The following GAB2 variants were observed in gnomAD, a reference collection of about 807,000 sequenced individuals.
GAB2 encodes the protein GRB2-associated-binding protein 2.
In GAB2, 26 loss-of-function variants were observed where a neutral mutation model predicts 65.5. The observed-to-expected ratio is 0.40, with a 90% CI of 0.29 to 0.55. GAB2 has a LOEUF of 0.55. Ranked by LOEUF, GAB2 falls within the 20% of genes least tolerant of loss-of-function variation. The pLI is 0.53. For missense variants in GAB2, 884 were observed against 875.8 expected (o/e 1.01, Z -0.12); for synonymous variants, 321 against 329.6 (o/e 0.97, Z 0.28).
In GAB2 at chr11:78,216,406, C is replaced by A. The variant is rs1864149859; in HGVS notation, c.*2866G>T. 6.6e-6 allele frequency: 1 copy of A among 152,180 alleles called. No homozygotes were observed. Among genetic ancestry groups the A allele is most frequent in the Non-Finnish European group, 1.5e-5 (1 of 68,046 alleles). 9.4% of individuals were successfully genotyped at this position (152,180 alleles called of 1,614,324 possible). ...TAGGCCAAAGGACCAGTTTTTTCAA[C>A]TGAGTTGACTCCTTTGTTGGAGGAG... On this transcript the variant is annotated 3_prime_UTR_variant, in exon 10 of 10. Transcript: ENST00000361507.
At chr11:78,263,604 A>G (rs1017369507) in intron 2 of GAB2, among the ~76,000 whole-genome samples, 3 of 149,298 alleles carry the variant, frequency 2.0e-5, no homozygotes, top group African/African-American at 7.5e-5. Flanking sequence ...CTGCACTCCA[A>G]CTTGGGCGAC....
Position 78,250,060 on chromosome 11 carries a change from T to C in GAB2, c.620+97A>G, listed in dbSNP as rs117632041. ...AGACGTGTTTGTCTACCTGAAACGA[T>C]ATAATGTTTTGCTTGTCTTTAAAAA... On this transcript the variant is annotated intron_variant, in intron 3 of 9. Transcript: ENST00000361507. 4.5e-5 allele frequency: 56 copies of C among 1,251,380 alleles called. No homozygotes were observed. In the East Asian group the frequency reaches 1.1e-3, roughly 23 times the overall value. 77.5% of individuals were successfully genotyped at this position (1,251,380 alleles called of 1,614,324 possible).
At chr11:78,320,227 G>C (rs1855696616) in intron 1 of GAB2, among the ~76,000 whole-genome samples, 1 of 152,058 alleles carries the variant, frequency 6.6e-6, no homozygotes, top group South Asian at 2.1e-4. Context: ...CTAGAGACAG[G>C]GGTCTCACTA....
intron 1 of GAB2, among the ~76,000 whole-genome samples, chr11:78,337,019 C>T (rs1028595655): frequency 1.3e-5 from 2 of 152,182 alleles, no homozygotes; most frequent in Admixed American, 1.3e-4. Flanking sequence ...CATCTACCTA[C>T]CTTTGACTAT....
Position 78,250,313 on chromosome 11 carries a change from T to C in GAB2, c.464A>G (p.Glu155Gly), listed in dbSNP as rs770269898. 6.2e-7 allele frequency: 1 copy of C among 1,613,260 alleles called. No homozygotes were observed. The highest frequency in any genetic ancestry group is 2.2e-5 in the East Asian group (1 of 44,820). ...GTGTGATGGGGCTGAGGACTTGCGC[T>C]CTCGGAGAAGGTGCTGGCTAGAGCT... ...LSSSSQHLLR[E>G]RKSSAPSHSS... The change falls in exon 3 of 10, where the codon GAG becomes GGG. Residue 155 changes from glutamate (E) to glycine (G), a missense_variant. By Grantham distance (98) the Glu-to-Gly change is moderately conservative (BLOSUM62 -2). Coordinates refer to ENST00000361507, the MANE Select transcript of GAB2 (RefSeq NM_080491.3).
chr11:78,346,206 C>T (rs1856176421), intron 1 of GAB2, among the ~76,000 whole-genome samples: 1 of 152,104 alleles, frequency 6.6e-6, no homozygotes, highest in African/African-American at 2.4e-5. Context: ...ATCAAACTGC[C>T]CGGATTAGCC....
In GAB2 at chr11:78,223,395, GGAAA is replaced by G; in HGVS notation, c.1567+13_1567+16del. 6.6e-7 allele frequency: 1 copy of G among 1,505,048 alleles called. No individual in the cohort carries two copies. The highest frequency in any genetic ancestry group is 8.9e-7 in the Non-Finnish European group (1 of 1,125,012). 93.2% of individuals were successfully genotyped at this position (1,505,048 alleles called of 1,614,324 possible). On this transcript the variant is annotated intron_variant, in intron 6 of 9. Coordinates refer to ENST00000361507, the MANE Select transcript of GAB2 (RefSeq NM_080491.3). ...AGCCACTGTCCAGAGATGGGACAGG[GGAAA>G]GAATGGACTTACCTTTCCGATCAGG...
At position 78,223,474 on chromosome 11, in the gene GAB2, G is replaced by A. The variant is rs778004853; in HGVS notation, c.1505C>T (p.Pro502Leu). ...PSTTLPVHRG[P>L]SRGSEIQPPP... ...TGGCTGAATCTCACTTCCTCTGCTG[G>A]GGCCTCGGTGCACAGGAAGGGTTGT... The change falls in exon 6 of 10, where the codon CCC becomes CTC. Residue 502 changes from proline (P) to leucine (L), a missense_variant. By Grantham distance (98) the Pro-to-Leu change is moderately conservative. Transcript: ENST00000361507. The A allele has an allele frequency of 1.9e-6, 3 of 1,600,034 alleles. No homozygotes were observed. In the South Asian group the frequency reaches 3.4e-5, roughly 18 times the overall value.
At chr11:78,230,629 G>A (rs1864815117) in intron 3 of GAB2, among the ~76,000 whole-genome samples, 1 of 152,240 alleles carries the variant, frequency 6.6e-6, no homozygotes, top group Non-Finnish European at 1.5e-5. Context: ...CCTGTACCCT[G>A]GCATAGTGCC....
At chr11:78,239,276 A>G (rs1865066348) in intron 3 of GAB2, among the ~76,000 whole-genome samples, 1 of 152,104 alleles carries the variant, frequency 6.6e-6, no homozygotes, top group South Asian at 2.1e-4. Context: ...GCTGGAGTAC[A>G]ATGGCGTGAT....
At chr11:78,320,829 C>T (rs1449187907) in intron 1 of GAB2, among the ~76,000 whole-genome samples, 3 of 150,674 alleles carry the variant, frequency 2.0e-5, no homozygotes, top group African/African-American at 7.3e-5. Flanking sequence ...CCATGGCCTC[C>T]CAAAGTGCTG....
chr11:78,374,959 C>T (rs10793308), intron 1 of GAB2, among the ~76,000 whole-genome samples: 39,189 of 152,064 alleles, frequency 0.26, 5,837 homozygotes, highest in East Asian at 0.41. Flanking sequence ...TAGCATGTAA[C>T]GAAAATTCTA....
intron 1 of GAB2, among the ~76,000 whole-genome samples, chr11:78,342,547 T>C (rs894401602): frequency 5.9e-5 from 9 of 151,912 alleles, no homozygotes; most frequent in African/African-American, 1.5e-4. Context: ...TAGCTGGGAC[T>C]ACAGGTGCCC....
At chr11:78,323,929 C>T (rs1396725481) in intron 1 of GAB2, among the ~76,000 whole-genome samples, 3 of 151,062 alleles carry the variant, frequency 2.0e-5, no homozygotes, top group Non-Finnish European at 4.4e-5. Context: ...TCCCGAGTAG[C>T]TGAGACTACA....
At chr11:78,379,719 T>C (rs1488079019) in intron 1 of GAB2, among the ~76,000 whole-genome samples, 3 of 152,254 alleles carry the variant, frequency 2.0e-5, no homozygotes, top group Admixed American at 6.5e-5. Flanking sequence ...AAGAGTGTAC[T>C]TGGTTGTCAT....
At chr11:78,365,963 G>C (rs1310747295) in intron 1 of GAB2, among the ~76,000 whole-genome samples, 1 of 152,224 alleles carries the variant, frequency 6.6e-6, no homozygotes, top group African/African-American at 2.4e-5. Flanking sequence ...ATTAACTGCT[G>C]TGTAATTATG....
chr11:78,259,310 T>C (rs1287647071), intron 2 of GAB2, among the ~76,000 whole-genome samples: 1 of 152,238 alleles, frequency 6.6e-6, no homozygotes, highest in East Asian at 1.9e-4. Flanking sequence ...GCCTGACACT[T>C]GTCCCATTTT....
chr11:78,261,691 G>T (rs963813480), intron 2 of GAB2, among the ~76,000 whole-genome samples: 1 of 152,150 alleles, frequency 6.6e-6, no homozygotes, highest in African/African-American at 2.4e-5. Flanking sequence ...TTTACTTAGG[G>T]TCTGGAGCAG....
chr11:78,411,086 G>A (rs1165671271), intron 1 of GAB2, among the ~76,000 whole-genome samples: 1 of 150,658 alleles, frequency 6.6e-6, no homozygotes, highest in African/African-American at 2.4e-5. Flanking sequence ...CCAGGAATTT[G>A]AGGCTGCAGT....
Sources: gnomAD v4.1 joint callset for allele counts (sites outside exome capture counted in the v4.1 genomes callset) on GRCh38, gnomAD v4.1.1 for gene constraint, MANE v1.5 for transcripts, NCBI Gene and HGNC (gene_info 2026-07-23, HGNC 2026-07-21) for gene names.